The following NAALADL2 variants were observed in gnomAD, a reference collection of about 807,000 sequenced individuals.
NAALADL2 encodes the protein N-acetylated alpha-linked acidic dipeptidase like 2.
In NAALADL2, 76 loss-of-function variants were observed where a neutral mutation model predicts 87.2. That is an observed-to-expected ratio of 0.87 (90% confidence interval 0.72 to 1.05). The LOEUF (loss-of-function observed/expected upper bound fraction) is 1.05, where lower values mean the gene tolerates loss of function less well. Among genes scored for constraint, NAALADL2 ranks in the 50% least tolerant of loss-of-function variants. NAALADL2 has a pLI of 0.00. For synonymous variants in NAALADL2, 354 were observed against 331.0 expected (o/e 1.07, Z -0.75); for missense variants, 1,089 against 945.8 (o/e 1.15, Z -1.99).
intron 13 of NAALADL2, among the ~76,000 whole-genome samples, chr3:175,758,289 C>T (rs1747535430): frequency 6.6e-6 from 1 of 151,954 alleles, no homozygotes; most frequent in African/African-American, 2.4e-5. Context: ...CTGAAAGTTT[C>T]TGGTTCACTC....
At chr3:175,604,782 A>G in intron 10 of NAALADL2, among the ~76,000 whole-genome samples, 1 of 152,286 alleles carries the variant, frequency 6.6e-6, no homozygotes, top group Non-Finnish European at 1.5e-5. Context: ...AAAAGATTTT[A>G]AGCATGAAAA....
chr3:174,486,077 C>G (rs1717841805), intron 1 of NAALADL2, among the ~76,000 whole-genome samples: 1 of 152,008 alleles, frequency 6.6e-6, no homozygotes, highest in South Asian at 2.1e-4. Flanking sequence ...CTCAGTTCCT[C>G]CCACTTCCTC....
intron 2 of NAALADL2, among the ~76,000 whole-genome samples, chr3:175,201,200 C>A (rs1231025599): frequency 7.9e-5 from 12 of 152,118 alleles, no homozygotes; most frequent in African/African-American, 2.9e-4. Context: ...CTAACCCTTT[C>A]CCCAGGCAGA....
At chr3:175,397,962 A>G (rs993741958) in intron 5 of NAALADL2, among the ~76,000 whole-genome samples, 1 of 152,130 alleles carries the variant, frequency 6.6e-6, no homozygotes, top group Non-Finnish European at 1.5e-5. Context: ...TTATTGTTTT[A>G]GTCTTATCTC....
intron 6 of NAALADL2, among the ~76,000 whole-genome samples, chr3:175,454,880 G>T (rs1722096613): frequency 6.6e-6 from 1 of 151,088 alleles, no homozygotes; most frequent in African/African-American, 2.4e-5. Flanking sequence ...TATAAATCAG[G>T]TTTGCATCAA....
chr3:175,433,762 C>G (rs1398312442), intron 5 of NAALADL2, among the ~76,000 whole-genome samples: 1 of 151,756 alleles, frequency 6.6e-6, no homozygotes, highest in Non-Finnish European at 1.5e-5. Context: ...AATGTACATC[C>G]AAAACAACTT....
chr3:175,191,412 T>A (rs1738186499), intron 2 of NAALADL2, among the ~76,000 whole-genome samples: 1 of 152,190 alleles, frequency 6.6e-6, no homozygotes. Context: ...GGATCAATAT[T>A]TGTATAAAGG....
intron 13 of NAALADL2, among the ~76,000 whole-genome samples, chr3:175,798,305 A>AATG (rs67814614): frequency 0.13 from 20,164 of 151,902 alleles, 1,527 homozygotes; most frequent in East Asian, 0.34. Context: ...GGTTTTTTTA[A>AATG]ATGATGATGA....
chr3:175,737,529 C>G, intron 12 of NAALADL2, 130 bp downstream of exon 12: 1 of 610,462 alleles, frequency 1.6e-6, no homozygotes, highest in Non-Finnish European at 2.9e-6. Flanking sequence ...AGAGGCTGAT[C>G]CTGGGAAGGA....
At chr3:174,811,159 A>G (rs1318421479) in intron 3 of NAALADL2, among the ~76,000 whole-genome samples, 3 of 152,066 alleles carry the variant, frequency 2.0e-5, no homozygotes, top group Non-Finnish European at 4.4e-5. Flanking sequence ...GAGACCCTCT[A>G]CTAGGCCAGT....
intron 1 of NAALADL2, among the ~76,000 whole-genome samples, chr3:175,019,776 C>A (rs9863073): frequency 0.33 from 49,680 of 151,786 alleles, 10,878 homozygotes; most frequent in African/African-American, 0.62. Context: ...TATATTATGC[C>A]GTATCAAATG....
At chr3:175,179,786 C>G (rs974026448) in intron 2 of NAALADL2, among the ~76,000 whole-genome samples, 1 of 151,908 alleles carries the variant, frequency 6.6e-6, no homozygotes, top group Non-Finnish European at 1.5e-5. Flanking sequence ...TATTTTGTTG[C>G]ATTTCAATTA....
chr3:175,305,886 T>C (rs925755461), intron 4 of NAALADL2, among the ~76,000 whole-genome samples: 2 of 152,212 alleles, frequency 1.3e-5, no homozygotes, highest in Non-Finnish European at 2.9e-5. Flanking sequence ...GCTTCTAGTT[T>C]AACATTTTTA....
chr3:174,592,226 T>C (rs1435917911), intron 2 of NAALADL2, among the ~76,000 whole-genome samples: 3 of 146,712 alleles, frequency 2.0e-5, no homozygotes, highest in Non-Finnish European at 4.4e-5. Flanking sequence ...ATTTATTTAT[T>C]TTTGAAACAA....
At chr3:175,504,500 T>C (rs1278395284) in intron 9 of NAALADL2, among the ~76,000 whole-genome samples, 1 of 152,012 alleles carries the variant, frequency 6.6e-6, no homozygotes, top group Admixed American at 6.6e-5. Flanking sequence ...GGCCCTAATC[T>C]GATAGGATTG....
intron 5 of NAALADL2, among the ~76,000 whole-genome samples, chr3:175,402,923 C>T (rs751024123): frequency 1.8e-4 from 27 of 152,132 alleles, no homozygotes; most frequent in Admixed American, 1.2e-3. Context: ...ATTCACACCT[C>T]TTGCATTTTT....
At chr3:175,683,006 T>A (rs145216152) in intron 11 of NAALADL2, among the ~76,000 whole-genome samples, 1 of 151,948 alleles carries the variant, frequency 6.6e-6, no homozygotes, top group African/African-American at 2.4e-5. Flanking sequence ...AACACTCTTG[T>A]GTTTGCTGGA....
intron 2 of NAALADL2, among the ~76,000 whole-genome samples, chr3:175,116,825 C>T (rs1176053264): frequency 6.6e-6 from 1 of 152,076 alleles, no homozygotes; most frequent in African/African-American, 2.4e-5. Flanking sequence ...GCCAAAAGAA[C>T]AAAGCTGGAG....
chr3:175,463,550 G>T lies in NAALADL2; in HGVS notation c.1327+57G>T, dbSNP rs1035549980. The T allele has an allele frequency of 2.4e-5, 22 of 929,536 alleles. No homozygotes were observed. In the Middle Eastern group the frequency reaches 7.1e-4, roughly 30 times the overall value. 57.6% of individuals were successfully genotyped at this position (929,536 alleles called of 1,614,324 possible). A position where few individuals can be genotyped will look rare whatever the true frequency, so the allele number is the denominator to read the frequency against. On this transcript the variant is annotated intron_variant, in intron 7 of 13. Transcript: ENST00000454872. ...TTTATATGAAACTATACAAGGAAAT[G>T]CTCTGTAATAATTTAATATTATACT...
Sources: allele counts gnomAD v4.1 joint callset (sites outside exome capture counted in the v4.1 genomes callset), GRCh38; gene constraint gnomAD v4.1.1; transcripts MANE v1.5; gene names NCBI Gene and HGNC (gene_info 2026-07-23, HGNC 2026-07-21).